Variants in LRRC4C observed in about 807,000 individuals in gnomAD.
LRRC4C encodes the protein leucine rich repeat containing 4C, also known as leucine-rich repeat-containing protein 4C.
A neutral mutation model predicts 33.6 loss-of-function variants in LRRC4C; 5 were observed. The ratio of observed to expected loss-of-function variants is 0.15; its 90% CI spans 0.08 to 0.31. LRRC4C has a LOEUF of 0.31. LRRC4C is among the 10% of genes least tolerant of loss of function. The pLI, the probability that LRRC4C is intolerant of heterozygous loss-of-function variation, is 1.00. For synonymous variants in LRRC4C, 329 were observed against 302.0 expected (o/e 1.09, Z -0.93); for missense variants, 560 against 796.7 (o/e 0.70, Z 3.58).
At chr11:40,644,716 C>A (rs937157127) in intron 3 of LRRC4C, among the ~76,000 whole-genome samples, 1 of 151,932 alleles carries the variant, frequency 6.6e-6, no homozygotes, top group Non-Finnish European at 1.5e-5. Flanking sequence ...GACAAAGTTA[C>A]GGAAATAGAG....
chr11:40,523,648 C>A (rs965899132), intron 3 of LRRC4C, among the ~76,000 whole-genome samples: 12 of 150,394 alleles, frequency 8.0e-5, no homozygotes, highest in African/African-American at 2.9e-4. Flanking sequence ...ATATTATTTG[C>A]TAATACTTGG....
chr11:40,570,476 G>A (rs1390924264), intron 3 of LRRC4C, among the ~76,000 whole-genome samples: 3 of 152,140 alleles, frequency 2.0e-5, no homozygotes, highest in Middle Eastern at 3.2e-3. Context: ...AGGACTGGCT[G>A]CTTTTAGACT....
chr11:41,265,862 G>T (rs754991282), intron 1 of LRRC4C, among the ~76,000 whole-genome samples: 4 of 80,028 alleles, frequency 5.0e-5, no homozygotes, highest in Non-Finnish European at 4.7e-5. Context: ...TAATGCCCAT[G>T]GGTCTTTTCT....
chr11:40,654,990 G>T (rs904401947), intron 2 of LRRC4C, among the ~76,000 whole-genome samples: 2 of 151,886 alleles, frequency 1.3e-5, no homozygotes, highest in African/African-American at 2.4e-5. Context: ...CTGTGAAGAG[G>T]TTCATTTCAC....
chr11:40,808,668 G>A (rs1207398648), intron 2 of LRRC4C, among the ~76,000 whole-genome samples: 2 of 152,084 alleles, frequency 1.3e-5, no homozygotes, highest in Non-Finnish European at 2.9e-5. Flanking sequence ...GGTCAAGGGA[G>A]ACCCAGTACC....
intron 1 of LRRC4C, among the ~76,000 whole-genome samples, chr11:41,399,210 T>C (rs983499929): frequency 6.6e-6 from 1 of 152,098 alleles, no homozygotes; most frequent in Non-Finnish European, 1.5e-5. Context: ...TAAGGTTTAA[T>C]GACACTTGAA....
intron 5 of LRRC4C, among the ~76,000 whole-genome samples, chr11:40,171,702 C>A (rs1012955725): frequency 6.6e-6 from 1 of 152,046 alleles, no homozygotes. Context: ...TAATTTAATC[C>A]GACCCCCCCA....
intron 1 of LRRC4C, among the ~76,000 whole-genome samples, chr11:41,139,551 T>G (rs1943412692): frequency 6.6e-6 from 1 of 152,136 alleles, no homozygotes; most frequent in Non-Finnish European, 1.5e-5. Context: ...AGGAGAAAAC[T>G]AGAATAGACC....
chr11:41,247,209 C>G (rs925056290), intron 1 of LRRC4C, among the ~76,000 whole-genome samples: 1 of 152,216 alleles, frequency 6.6e-6, no homozygotes, highest in Non-Finnish European at 1.5e-5. Context: ...AAAGAAAGCT[C>G]TTAGTTTGAT....
chr11:40,925,123 T>TTCTCTCTCTC lies in LRRC4C; in HGVS notation c.-407+8502_-407+8511dup, dbSNP rs56945447. 3.3e-4 allele frequency among the ~76,000 whole-genome samples: 49 copies of TTCTCTCTCTC among 149,534 alleles called. No homozygotes were observed. The South Asian group carries it at 3.4e-3, about 10-fold the overall frequency. On this transcript the variant is annotated intron_variant, in intron 2 of 6. Coordinates refer to ENST00000528697, the MANE Select transcript of LRRC4C (RefSeq NM_001258419.2). ...AGCGGGAGGAGCCATCCCCAAATAT[T>TTCTCTCTCTC]TCTCTCTCTCTCTCTCTCTCTCTTT...
At chr11:40,150,684 A>T (rs1858124600) in intron 5 of LRRC4C, among the ~76,000 whole-genome samples, 1 of 152,080 alleles carries the variant, frequency 6.6e-6, no homozygotes, top group Admixed American at 6.6e-5. Context: ...GGCTCAAGAA[A>T]TCCTCTTGCC....
chr11:40,250,251 C>G (rs1866678860), intron 4 of LRRC4C, among the ~76,000 whole-genome samples: 2 of 152,094 alleles, frequency 1.3e-5, no homozygotes, highest in Admixed American at 6.6e-5. Flanking sequence ...AACACCTTGA[C>G]TAATCTGACC....
intron 1 of LRRC4C, among the ~76,000 whole-genome samples, chr11:40,956,706 T>C (rs913830395): frequency 2.6e-5 from 4 of 151,774 alleles, no homozygotes; most frequent in African/African-American, 9.7e-5. Flanking sequence ...CTCTTCTCTA[T>C]GTCACAATTT....
intron 6 of LRRC4C, among the ~76,000 whole-genome samples, chr11:40,139,905 G>A (rs1255642341): frequency 6.6e-6 from 1 of 152,198 alleles, no homozygotes; most frequent in Non-Finnish European, 1.5e-5. Flanking sequence ...TTCTGTCTCT[G>A]ATGGTTGAAA....
intron 2 of LRRC4C, among the ~76,000 whole-genome samples, chr11:40,757,208 C>T (rs1479365221): frequency 6.6e-6 from 1 of 151,936 alleles, no homozygotes; most frequent in Non-Finnish European, 1.5e-5. Flanking sequence ...TGGTTTTCAC[C>T]CAGTCATGAG....
intron 2 of LRRC4C, among the ~76,000 whole-genome samples, chr11:40,668,994 T>G (rs911261207): frequency 3.3e-5 from 5 of 152,214 alleles, no homozygotes; most frequent in Non-Finnish European, 7.3e-5. Context: ...ATAGCCCAGG[T>G]TCAAATCTCT....
chr11:41,432,961 T>G (rs1955293506), intron 1 of LRRC4C, among the ~76,000 whole-genome samples: 1 of 152,158 alleles, frequency 6.6e-6, no homozygotes, highest in Admixed American at 6.6e-5. Context: ...ATATCTCAAT[T>G]GTTTTAGAAG....
chr11:40,261,170 G>A (rs1163381411), intron 4 of LRRC4C, among the ~76,000 whole-genome samples: 3 of 152,108 alleles, frequency 2.0e-5, no homozygotes, highest in South Asian at 4.1e-4. Flanking sequence ...TTATAGGCGT[G>A]AGTCACCTCA....
chr11:40,552,326 C>T (rs1957156991), intron 3 of LRRC4C, among the ~76,000 whole-genome samples: 1 of 152,198 alleles, frequency 6.6e-6, no homozygotes, highest in South Asian at 2.1e-4. Flanking sequence ...TGAGGCCACA[C>T]AGTCAGCCAA....
Sources: allele counts gnomAD v4.1 joint callset (sites outside exome capture counted in the v4.1 genomes callset), GRCh38; gene constraint gnomAD v4.1.1; transcripts MANE v1.5; gene names NCBI Gene and HGNC (gene_info 2026-07-23, HGNC 2026-07-21).